MSI2: variants seen among roughly 807,000 people sequenced by gnomAD.
MSI2 encodes RNA-binding protein Musashi homolog 2.
A neutral mutation model predicts 45.6 loss-of-function variants in MSI2; 17 were observed. That is an observed-to-expected ratio of 0.37 (90% CI 0.26 to 0.56). The LOEUF is 0.56. Ranked by LOEUF, MSI2 falls within the 20% of genes least tolerant of loss-of-function variation. MSI2 has a pLI of 0.77. For synonymous variants in MSI2, 156 were observed against 158.2 expected, an observed-to-expected ratio of 0.99 and a Z score of 0.11; for missense variants, 293 against 444.2, an observed-to-expected ratio of 0.66 and a Z score of 3.06.
chr17:57,629,414 G>T (rs1273849707), intron 10 of MSI2: 1 of 152,284 alleles, frequency 6.6e-6, no homozygotes, highest in Non-Finnish European at 1.5e-5. Context: ...GGATAACAGA[G>T]TGAGACTCTG....
chr17:57,390,121 G>A (rs971922220), intron 5 of MSI2, among the ~76,000 whole-genome samples: 6 of 151,888 alleles, frequency 4.0e-5, no homozygotes, highest in Non-Finnish European at 7.4e-5. Context: ...ATGTGGTCGT[G>A]TGTGCATGCT....
At chr17:57,579,827 G>A (rs2088154706) in intron 7 of MSI2, among the ~76,000 whole-genome samples, 1 of 152,150 alleles carries the variant, frequency 6.6e-6, no homozygotes, top group African/African-American at 2.4e-5. Context: ...CTATAATGCT[G>A]CTGTCCCTAT....
intron 5 of MSI2, among the ~76,000 whole-genome samples, chr17:57,305,582 C>G (rs1042205940): frequency 6.6e-6 from 1 of 152,116 alleles, no homozygotes; most frequent in Non-Finnish European, 1.5e-5. Flanking sequence ...GCAGCCAGTT[C>G]GGTGCGTTTG....
intron 10 of MSI2, chr17:57,631,662 G>T: frequency 1.2e-6 from 1 of 811,550 alleles, no homozygotes; most frequent in Non-Finnish European, 2.0e-6. Context: ...CCTGGAATTT[G>T]GATCAGGATC....
intron 9 of MSI2, 189 bp downstream of exon 9, chr17:57,616,273 G>GTGCA: frequency 7.2e-6 from 4 of 553,412 alleles, no homozygotes; most frequent in African/African-American, 5.8e-5. Context: ...GTGTGTGTGT[G>GTGCA]TGCATGCATG....
At chr17:57,533,682 T>TTCCCC in intron 7 of MSI2, among the ~76,000 whole-genome samples, 1 of 152,326 alleles carries the variant, frequency 6.6e-6, no homozygotes, top group South Asian at 2.1e-4. Context: ...AGAAGTGCTC[T>TTCCCC]TGATCAGGAG....
intron 6 of MSI2, among the ~76,000 whole-genome samples, chr17:57,418,338 A>G (rs1009294778): frequency 2.6e-5 from 4 of 152,244 alleles, no homozygotes; most frequent in East Asian, 1.9e-4. Context: ...GGCTATGCTC[A>G]TTTGAAATAG....
intron 5 of MSI2, among the ~76,000 whole-genome samples, chr17:57,354,375 G>A (rs1916268125): frequency 6.6e-6 from 1 of 152,144 alleles, no homozygotes; most frequent in Admixed American, 6.5e-5. Flanking sequence ...GGAATTTTGT[G>A]TATTTAATAA....
At chr17:57,491,853 C>G (rs1598328918) in intron 6 of MSI2, among the ~76,000 whole-genome samples, 1 of 152,166 alleles carries the variant, frequency 6.6e-6, no homozygotes, top group Non-Finnish European at 1.5e-5. Flanking sequence ...AGCTTTGCCT[C>G]AGTTTTCCTC....
intron 13 of MSI2, 54 bp from the exon 14 acceptor site, chr17:57,679,495 C>G: frequency 1.0e-6 from 1 of 971,846 alleles, no homozygotes; most frequent in Non-Finnish European, 1.2e-6. Context: ...CTCCTCCCCT[C>G]TCCCCTCCAT....
intron 8 of MSI2, among the ~76,000 whole-genome samples, chr17:57,615,493 G>A (rs1246181213): frequency 6.6e-6 from 1 of 152,182 alleles, no homozygotes; most frequent in Non-Finnish European, 1.5e-5. Context: ...TAAGTGGTCT[G>A]TCTGTTTAAT....
At chr17:57,426,316 C>T (rs1244427080) in intron 6 of MSI2, among the ~76,000 whole-genome samples, 2 of 152,224 alleles carry the variant, frequency 1.3e-5, no homozygotes, top group East Asian at 1.9e-4. Flanking sequence ...TTGGCAATTA[C>T]GTCTTGCCTT....
chr17:57,523,050 C>CT (rs34090162), intron 6 of MSI2: 11,119 of 141,340 alleles, frequency 0.079, 890 homozygotes, highest in African/African-American at 0.2. Context: ...GCATTGTGTC[C>CT]TTTTTTTTTT....
chr17:57,329,945 T>G (rs1163452588), intron 5 of MSI2, among the ~76,000 whole-genome samples: 1 of 152,238 alleles, frequency 6.6e-6, no homozygotes, highest in Middle Eastern at 3.4e-3. Context: ...TTTTTGTTTT[T>G]TTTTTTTGGT....
intron 6 of MSI2, among the ~76,000 whole-genome samples, chr17:57,406,484 G>T (rs1250579515): frequency 1.3e-5 from 2 of 152,144 alleles, no homozygotes; most frequent in Admixed American, 1.3e-4. Context: ...GAGCCGTTCC[G>T]CACCTTTCAG....
At chr17:57,494,842 A>C (rs2085943504) in intron 6 of MSI2, among the ~76,000 whole-genome samples, 1 of 152,172 alleles carries the variant, frequency 6.6e-6, no homozygotes, top group African/African-American at 2.4e-5. Flanking sequence ...GGGATAAATC[A>C]GTGAACAGAA....
chr17:57,527,752 T>C (rs1243802958), intron 6 of MSI2, among the ~76,000 whole-genome samples: 1 of 152,236 alleles, frequency 6.6e-6, no homozygotes, highest in East Asian at 1.9e-4. Context: ...CCAGTCCCTT[T>C]GAGGTTTATG....
intron 11 of MSI2, among the ~76,000 whole-genome samples, chr17:57,654,915 GTT>G (rs11319236): frequency 0.12 from 15,968 of 135,382 alleles, 1,289 homozygotes; most frequent in African/African-American, 0.24. Flanking sequence ...CAACGTTTGG[GTT>G]TTTTTTTTTT....
At chr17:57,471,076 C>A (rs1032803005) in intron 6 of MSI2, among the ~76,000 whole-genome samples, 8 of 152,152 alleles carry the variant, frequency 5.3e-5, no homozygotes, top group Non-Finnish European at 1.0e-4. Context: ...GGTTGGGGAC[C>A]CCATGTGGCA....
Sources: gnomAD v4.1 joint callset for allele counts (sites outside exome capture counted in the v4.1 genomes callset) on GRCh38, gnomAD v4.1.1 for gene constraint, MANE v1.5 for transcripts, NCBI Gene and HGNC (gene_info 2026-07-23, HGNC 2026-07-21) for gene names.